Variants in FBXO27 observed in about 807,000 individuals in gnomAD.
FBXO27 encodes F-box only protein 27.
A neutral mutation model predicts 28.3 loss-of-function variants in FBXO27; 28 were observed. The observed-to-expected ratio is 0.99, with a 90% CI of 0.73 to 1.36. The LOEUF is 1.36. FBXO27 is among the 40% of genes most tolerant of loss of function. FBXO27 has a pLI of 0.00. For synonymous variants in FBXO27, 175 were observed against 167.3 expected, an observed-to-expected ratio of 1.05 and a Z score of -0.36; for missense variants, 388 against 394.1, an observed-to-expected ratio of 0.98 and a Z score of 0.13.
At chr19:39,012,766 T>C (rs1268851706) in intron 2 of FBXO27, among the ~76,000 whole-genome samples, 3 of 151,960 alleles carry the variant, frequency 2.0e-5, no homozygotes, top group Non-Finnish European at 2.9e-5. Context: ...GAGACCAGCC[T>C]GGCCAACAGA....
At chr19:39,012,103 G>A (rs1043764365) in intron 2 of FBXO27, among the ~76,000 whole-genome samples, 1 of 151,136 alleles carries the variant, frequency 6.6e-6, no homozygotes, top group African/African-American at 2.4e-5. Flanking sequence ...AAAGTACTGG[G>A]ATTACAGGCG....
chr19:39,027,183 C>T (rs1291976810), intron 4 of FBXO27, among the ~76,000 whole-genome samples, 178 bp from the exon 5 acceptor site: 2 of 152,102 alleles, frequency 1.3e-5, no homozygotes, highest in Non-Finnish European at 2.9e-5. Flanking sequence ...TTGATGGGGA[C>T]CCAGGTGGTA....
In FBXO27 at chr19:39,032,194, G is replaced by C. The variant is rs1028876470; in HGVS notation, c.34C>G (p.Arg12Gly). ...GGTTCCGGCTCCGGCGCGGGGACCC[G>C]GGCGGCCCGGCCCCTGGAGACCGAG... The part of the protein sequence containing the change: ...GASVSRGRAA[R>G]VPAPEPEPEE... Residue 12 changes from arginine (R) to glycine (G), a missense_variant, in exon 2 of 6, where the codon CGG becomes GGG. Transcript: ENST00000292853. This position sits in a 1 kb window ranked among gnomAD's most constrained non-coding sequence, Gnocchi z 4.7. 17 of 1,481,870 alleles carry C rather than the reference G, an allele frequency of 1.1e-5. No homozygotes were observed. Among genetic ancestry groups the C allele is most frequent in the Non-Finnish European group, 1.3e-5 (15 of 1,120,346 alleles). The allele number at this position is 1,481,870 out of a possible 1,614,324, so 91.8% of individuals were successfully genotyped here.
downstream of FBXO27, among the ~76,000 whole-genome samples, chr19:39,019,068 CA>C (rs71167615): frequency 0.4 from 49,093 of 124,162 alleles, 9,149 homozygotes; most frequent in East Asian, 0.52. Context: ...GACTCTATCA[CA>C]AAAAAAAAAA....
At chr19:39,014,410 T>C (rs2072809918) in exon 2 of FBXO27, 1 of 152,060 alleles carries the variant, frequency 6.6e-6, no homozygotes, top group Non-Finnish European at 1.5e-5. Flanking sequence ...GAGCTGGAAT[T>C]GGTGCACTCA....
At chr19:39,029,570 GAGAA>G (rs947380106) in intron 4 of FBXO27, among the ~76,000 whole-genome samples, 1 of 152,036 alleles carries the variant, frequency 6.6e-6, no homozygotes, top group African/African-American at 2.4e-5. Flanking sequence ...GGGGGACACT[GAGAA>G]AGAGATTGGG....
At chr19:39,019,524 A>G (rs1389350315), downstream of FBXO27, among the ~76,000 whole-genome samples, 3 of 150,874 alleles carry the variant, frequency 2.0e-5, no homozygotes, top group Admixed American at 6.7e-5. Context: ...TAGCCATTAT[A>G]TGACAACTTA....
downstream of FBXO27, among the ~76,000 whole-genome samples, chr19:39,022,657 C>T (rs2144893854): frequency 6.6e-6 from 1 of 152,060 alleles, no homozygotes; most frequent in South Asian, 2.1e-4. Flanking sequence ...GTCTCTGTCG[C>T]CCAGGCTGGA....
rs187920324 is a variant in FBXO27 at position 39,030,049 on chromosome 19, C to T, written c.572+980G>A. On this transcript the variant is annotated intron_variant, in intron 4 of 5. Transcript: ENST00000292853. Reference sequence around the variant, plus strand: ...GTAGAGATGGGTTTTGCCATGCTGGCCAGGCTGGTCTCGAACTCCTTAGCT... The same window carrying T: ...GTAGAGATGGGTTTTGCCATGCTGGTCAGGCTGGTCTCGAACTCCTTAGCT... Among the ~76,000 whole-genome samples, 279 of 152,230 alleles carry T rather than the reference C, an allele frequency of 1.8e-3. 1 individual carries two copies. Among genetic ancestry groups the T allele is most frequent in the African/African-American group, 6.2e-3 (258 of 41,558 alleles).
downstream of FBXO27, among the ~76,000 whole-genome samples, chr19:39,022,967 T>TC (rs1327757213): frequency 1.3e-5 from 2 of 151,812 alleles, no homozygotes; most frequent in Non-Finnish European, 2.9e-5. Flanking sequence ...CTGGCTAATT[T>TC]TTTTTTTTTG....
chr19:39,013,930 G>A (rs1028968182), intron 2 of FBXO27, among the ~76,000 whole-genome samples: 2 of 151,492 alleles, frequency 1.3e-5, no homozygotes, highest in African/African-American at 2.4e-5. Flanking sequence ...GGAGAATGGC[G>A]TGAACCTGGG....
downstream of FBXO27, among the ~76,000 whole-genome samples, chr19:39,021,097 C>T (rs1035458858): frequency 6.6e-6 from 1 of 152,084 alleles, no homozygotes; most frequent in Admixed American, 6.6e-5. Flanking sequence ...GGTGATCCAC[C>T]CCCATCCCAA....
At position 39,025,262 on chromosome 19, in the gene FBXO27, A is replaced by G. The variant is rs2072865911; in HGVS notation, c.*149T>C. ...CTGGTAGTTTCTAGAACCTGAAGAC[A>G]GGGCCCGTCAGGGCCTTTGATTGGA... On this transcript the variant is annotated 3_prime_UTR_variant, in exon 6 of 6. Transcript: ENST00000292853. 1 of 1,039,828 alleles carries G rather than the reference A, an allele frequency of 9.6e-7. No individual in the cohort carries two copies. Among genetic ancestry groups the G allele is most frequent in the African/African-American group, 1.6e-5 (1 of 62,672 alleles). The allele number at this position is 1,039,828 out of a possible 1,614,324, so 64.4% of individuals were successfully genotyped here. A position where few individuals can be genotyped will look rare whatever the true frequency, so the allele number is the denominator to read the frequency against.
chr19:39,031,185 C>T (rs375596270), intron 3 of FBXO27, 24 bp downstream of exon 3: 1 of 1,613,710 alleles, frequency 6.2e-7, no homozygotes, highest in Non-Finnish European at 8.5e-7. Flanking sequence ...AGGGGCCGGA[C>T]CTTTGGATAG....
intron 1 of FBXO27, among the ~76,000 whole-genome samples, chr19:39,017,687 A>T (rs1383118706): frequency 2.6e-5 from 4 of 151,644 alleles, no homozygotes; most frequent in African/African-American, 9.7e-5. Flanking sequence ...TCATACATCT[A>T]GATGAAACAG....
At chr19:39,013,751 C>T (rs572469997) in intron 2 of FBXO27, among the ~76,000 whole-genome samples, 9 of 152,236 alleles carry the variant, frequency 5.9e-5, no homozygotes, top group African/African-American at 1.9e-4. Context: ...TGGTGGCTCA[C>T]ATCTGTAATC....
At chr19:39,020,751 A>G (rs1198868880), downstream of FBXO27, among the ~76,000 whole-genome samples, 2 of 126,276 alleles carry the variant, frequency 1.6e-5, no homozygotes, top group Non-Finnish European at 3.3e-5. Flanking sequence ...GATTGTGGAT[A>G]TGGCAAAAAA....
chr19:39,027,561 TG>T (rs1236817867), intron 4 of FBXO27, among the ~76,000 whole-genome samples: 1 of 152,182 alleles, frequency 6.6e-6, no homozygotes, highest in East Asian at 1.9e-4. Flanking sequence ...CTCCTTTTCT[TG>T]GCTGATTTTA....
chr19:39,016,592 GA>G (rs34873154), intron 1 of FBXO27, among the ~76,000 whole-genome samples: 5,447 of 112,264 alleles, frequency 0.049, 261 homozygotes, highest in African/African-American at 0.14. Flanking sequence ...TCTCTAATTT[GA>G]AAAAAAAAAA....
Sources: gnomAD v4.1 joint callset for allele counts (sites outside exome capture counted in the v4.1 genomes callset) on GRCh38, gnomAD v4.1.1 for gene constraint, Gnocchi (gnomAD v3.1) non-coding constraint, MANE v1.5 for transcripts, NCBI Gene and HGNC (gene_info 2026-07-23, HGNC 2026-07-21) for gene names.